ELP4: variants seen among roughly 807,000 people sequenced by gnomAD.
ELP4 encodes the protein elongator acetyltransferase complex subunit 4.
In ELP4, 51 loss-of-function variants were observed where a neutral mutation model predicts 48.9. The observed-to-expected ratio is 1.04, with a 90% CI of 0.83 to 1.32. The LOEUF (loss-of-function observed/expected upper bound fraction) is 1.32. ELP4 is among the 40% of genes most tolerant of loss of function. The pLI is 0.00. For synonymous variants in ELP4, 210 were observed against 189.2 expected, an observed-to-expected ratio of 1.11 and a Z score of -0.90; for missense variants, 519 against 514.6, an observed-to-expected ratio of 1.01 and a Z score of -0.08.
In ELP4 at chr11:31,647,768, A is replaced by G. The variant is rs556086865; in HGVS notation, c.955A>G (p.Thr319Ala). Reference protein sequence around the residue: ...QNKAIIARVTTLSDVVVGLES... With the variant: ...QNKAIIARVTALSDVVVGLES... ...TAAAGCCATTATTGCCCGTGTCACA[A>G]CCTTGTCAGATGTAGTAGTTGGTCT... The change falls in exon 8 of 10, where the codon ACC (threonine) becomes GCC (alanine). Residue 319 changes from threonine to alanine, a missense_variant. Coordinates refer to ENST00000640961, the MANE Select transcript of ELP4 (RefSeq NM_019040.5). 2.5e-6 allele frequency: 4 copies of G among 1,609,378 alleles called. No homozygotes were observed. The highest frequency in any genetic ancestry group is 3.4e-6 in the Non-Finnish European group (4 of 1,176,670).
At chr11:31,511,610 G>A (rs1010575422) in intron 1 of ELP4, 28 of 152,182 alleles carry the variant, frequency 1.8e-4, no homozygotes, top group African/African-American at 6.8e-4. Context: ...CAAAACCAGT[G>A]ACCATGTGTA....
At chr11:31,546,679 T>G (rs1172763888) in intron 3 of ELP4, among the ~76,000 whole-genome samples, 3 of 151,980 alleles carry the variant, frequency 2.0e-5, no homozygotes, top group African/African-American at 7.3e-5. Flanking sequence ...CAACAGAATA[T>G]ACATTTTTTT....
intron 9 of ELP4, among the ~76,000 whole-genome samples, chr11:31,675,503 C>T (rs1054760689): frequency 4.6e-5 from 7 of 152,002 alleles, no homozygotes; most frequent in Non-Finnish European, 7.4e-5. Context: ...TCAGGTGATC[C>T]GCCCGCCTCG....
chr11:31,680,712 T>C (rs555142695), intron 9 of ELP4, among the ~76,000 whole-genome samples: 48 of 152,360 alleles, frequency 3.2e-4, no homozygotes, highest in Non-Finnish European at 5.3e-4. Context: ...GAAGGTTGTA[T>C]TTAATCTTCT....
chr11:31,712,800 T>C (rs1477023825), intron 9 of ELP4, among the ~76,000 whole-genome samples: 2 of 152,200 alleles, frequency 1.3e-5, no homozygotes, highest in African/African-American at 4.8e-5. Context: ...TACAGCTGCC[T>C]CTGATTAAGA....
intron 4 of ELP4, among the ~76,000 whole-genome samples, chr11:31,595,293 G>A (rs1270869021): frequency 6.6e-6 from 1 of 152,040 alleles, no homozygotes; most frequent in Non-Finnish European, 1.5e-5. Flanking sequence ...ATCTGGTAAT[G>A]TCATCTATTC....
intron 3 of ELP4, among the ~76,000 whole-genome samples, chr11:31,550,692 G>C (rs984118702): frequency 6.6e-6 from 1 of 152,154 alleles, no homozygotes; most frequent in African/African-American, 2.4e-5. Context: ...AAATACCCTT[G>C]TTAGATGAGA....
intron 9 of ELP4, among the ~76,000 whole-genome samples, chr11:31,772,803 G>GA (rs201603312): frequency 7.3e-5 from 11 of 150,346 alleles, no homozygotes; most frequent in South Asian, 2.1e-4. Context: ...GTAGATACTG[G>GA]AAAAAAAAAA....
chr11:31,520,985 A>G (rs1341691752), intron 2 of ELP4, among the ~76,000 whole-genome samples: 2 of 152,048 alleles, frequency 1.3e-5, no homozygotes, highest in Non-Finnish European at 2.9e-5. Context: ...TATAAAATAA[A>G]TATGTTAATC....
At position 31,559,859 on chromosome 11, in the gene ELP4, C is replaced by A. The variant is rs143682069; in HGVS notation, c.381+20076C>A. 2.7e-5 allele frequency among the ~76,000 whole-genome samples: 4 copies of A among 148,700 alleles called. 1 individual carries two copies. The highest frequency in any genetic ancestry group is 5.9e-5 in the Non-Finnish European group (4 of 67,724). ...CAGAGGTTGCGGCGAGCTGAGATTG[C>A]GCCATTGCACTCCAGCAGCCTGGGC... On this transcript the variant is annotated intron_variant, in intron 3 of 9. Transcript: ENST00000640961.
chr11:31,624,209 C>T (rs773304949), intron 5 of ELP4, among the ~76,000 whole-genome samples: 26 of 151,770 alleles, frequency 1.7e-4, no homozygotes, highest in Admixed American at 4.0e-4. Context: ...AACATTCAGT[C>T]ATTTGACACT....
At chr11:31,516,666 A>T (rs2133872913) in intron 1 of ELP4, among the ~76,000 whole-genome samples, 1 of 152,028 alleles carries the variant, frequency 6.6e-6, no homozygotes, top group East Asian at 1.9e-4. Flanking sequence ...TAATTTTTGT[A>T]TTTTTTGTAG....
intron 8 of ELP4, chr11:31,648,813 T>A (rs1371152703): frequency 2.0e-5 from 3 of 151,612 alleles, no homozygotes; most frequent in African/African-American, 7.2e-5. Context: ...AATCTCTGAA[T>A]TGATAAATTA....
intron 9 of ELP4, among the ~76,000 whole-genome samples, chr11:31,670,098 A>G (rs1295028228): frequency 6.6e-6 from 1 of 152,144 alleles, no homozygotes; most frequent in Admixed American, 6.5e-5. Flanking sequence ...TGAGTTTGTT[A>G]CTTGATGCAT....
intron 9 of ELP4, among the ~76,000 whole-genome samples, chr11:31,666,119 G>A (rs903534331): frequency 2.9e-5 from 4 of 136,042 alleles, no homozygotes; most frequent in African/African-American, 8.5e-5. Context: ...AGCAATTCTC[G>A]TGCCTCAGCC....
chr11:31,528,560 A>G (rs1250587652), intron 2 of ELP4, among the ~76,000 whole-genome samples: 1 of 152,090 alleles, frequency 6.6e-6, no homozygotes, highest in African/African-American at 2.4e-5. Context: ...TCTGATATGA[A>G]ACACCATTTT....
chr11:31,556,027 T>C (rs1250084117), intron 3 of ELP4, among the ~76,000 whole-genome samples: 1 of 151,888 alleles, frequency 6.6e-6, no homozygotes, highest in African/African-American at 2.4e-5. Flanking sequence ...GAAAAGACAG[T>C]CTTATAGACC....
chr11:31,656,815 T>C (rs1488808206), intron 9 of ELP4, among the ~76,000 whole-genome samples: 3 of 151,974 alleles, frequency 2.0e-5, no homozygotes, highest in Non-Finnish European at 4.4e-5. Flanking sequence ...ACATAAACAT[T>C]TATATATGTG....
intron 4 of ELP4, among the ~76,000 whole-genome samples, chr11:31,602,918 G>GTA (rs2134001520): frequency 6.6e-6 from 1 of 151,920 alleles, no homozygotes; most frequent in South Asian, 2.1e-4. Flanking sequence ...GGATAGTGAT[G>GTA]TATATATATT....
Sources: allele counts gnomAD v4.1 joint callset (sites outside exome capture counted in the v4.1 genomes callset), GRCh38; gene constraint gnomAD v4.1.1; transcripts MANE v1.5; gene names NCBI Gene and HGNC (gene_info 2026-07-23, HGNC 2026-07-21).